Variants in FBN1 observed in about 807,000 individuals in gnomAD.
FBN1 encodes the protein fibrillin 1, also known as fibrillin-1.
A neutral mutation model predicts 365.1 loss-of-function variants in FBN1; 29 were observed. That is an observed-to-expected ratio of 0.08 (90% CI 0.06 to 0.11). The LOEUF is 0.11. Ranked by LOEUF, FBN1 falls within the 10% of genes least tolerant of loss-of-function variation. FBN1 has a pLI of 1.00. For synonymous variants in FBN1, 1,210 were observed against 1,270.5 expected (o/e 0.95, Z 1.01); for missense variants, 2,476 against 3,703.2 (o/e 0.67, Z 8.60).
chr15:48,637,479 C>T (rs1890114974), intron 2 of FBN1, among the ~76,000 whole-genome samples: 2 of 152,176 alleles, frequency 1.3e-5, no homozygotes, highest in African/African-American at 4.8e-5. Context: ...TCATAGACTG[C>T]ACTACAAACC....
chr15:48,629,056 G>A (rs1889937881), intron 2 of FBN1, among the ~76,000 whole-genome samples: 1 of 152,240 alleles, frequency 6.6e-6, no homozygotes, highest in South Asian at 2.1e-4. Flanking sequence ...TGAAAGCCAT[G>A]TGTGGTCCAA....
chr15:48,443,314 T>A (rs2043130503), intron 49 of FBN1, among the ~76,000 whole-genome samples: 1 of 152,210 alleles, frequency 6.6e-6, no homozygotes, highest in Non-Finnish European at 1.5e-5. Flanking sequence ...TTGTTTTTAA[T>A]TATTACTATG....
rs544270935 is a variant in FBN1, at chr15:48,569,773, T to C, written c.538+26510A>G. Reference sequence around the variant, plus strand: ...TCTATAGAGACAGAAAGTGTATTAGTGGTTGCCCAGGGCTCTGGGAGAGAG... The same window carrying C: ...TCTATAGAGACAGAAAGTGTATTAGCGGTTGCCCAGGGCTCTGGGAGAGAG... On this transcript the variant is annotated intron_variant, in intron 6 of 65. Transcript: ENST00000316623. Among the ~76,000 whole-genome samples the C allele has an allele frequency of 2.7e-4, 41 of 152,302 alleles. 1 individual carries two copies. The South Asian group carries it at 5.0e-3, about 18-fold the overall frequency.
At chr15:48,452,355 TC>T (rs1177119927) in intron 45 of FBN1, among the ~76,000 whole-genome samples, 1 of 152,254 alleles carries the variant, frequency 6.6e-6, no homozygotes, top group Non-Finnish European at 1.5e-5. Flanking sequence ...TGAAAATATC[TC>T]ATCCAGAAAG....
chr15:48,590,239 GA>G (rs1258410672), intron 6 of FBN1, among the ~76,000 whole-genome samples: 1 of 152,086 alleles, frequency 6.6e-6, no homozygotes, highest in Non-Finnish European at 1.5e-5. Context: ...AACACCAGGA[GA>G]AAAAAAGCAC....
At chr15:48,452,310 G>A (rs551390480) in intron 45 of FBN1, among the ~76,000 whole-genome samples, 3 of 152,272 alleles carry the variant, frequency 2.0e-5, no homozygotes, top group South Asian at 2.1e-4. Context: ...AGGCAAATAC[G>A]AAATCTATGT....
intron 17 of FBN1, among the ~76,000 whole-genome samples, chr15:48,500,089 A>G (rs1338651034): frequency 2.6e-5 from 4 of 152,192 alleles, no homozygotes; most frequent in Non-Finnish European, 5.9e-5. Context: ...TTTTCAAACC[A>G]TCTTAGAAGG....
At position 48,577,633 on chromosome 15, in the gene FBN1, G is replaced by A. The variant is rs73394256; in HGVS notation, c.538+18650C>T. ...CAGACTGGCCTCTTAAATAAACAAA[G>A]CCTGTTATTTCTTGAATTAAGTGGT... is the stretch of plus-strand genomic sequence containing the variant. On this transcript the variant is annotated intron_variant, in intron 6 of 65. Coordinates refer to ENST00000316623, the MANE Select transcript of FBN1 (RefSeq NM_000138.5). Among the ~76,000 whole-genome samples, 931 of 152,078 alleles carry A rather than the reference G, an allele frequency of 6.1e-3. 9 individuals carry two copies. The highest frequency in any genetic ancestry group is 0.022 in the African/African-American group (905 of 41,458).
intron 11 of FBN1, 75 bp from the exon 12 acceptor site, chr15:48,515,602 G>T: frequency 6.4e-7 from 1 of 1,569,298 alleles, no homozygotes; most frequent in Non-Finnish European, 8.8e-7. Context: ...TGACAATAAT[G>T]AACAAGATGT....
At chr15:48,436,620 C>A (rs1345740103) in intron 53 of FBN1, among the ~76,000 whole-genome samples, 1 of 152,134 alleles carries the variant, frequency 6.6e-6, no homozygotes, top group Non-Finnish European at 1.5e-5. Flanking sequence ...AAGATTATGA[C>A]CATTAACAAT....
intron 6 of FBN1, among the ~76,000 whole-genome samples, chr15:48,583,285 C>T (rs1044995458): frequency 2.0e-5 from 3 of 152,308 alleles, no homozygotes; most frequent in East Asian, 3.9e-4. Flanking sequence ...ATAGACTTAA[C>T]AAAACTGAAC....
intron 47 of FBN1, 151 bp downstream of exon 47, chr15:48,446,555 C>A: frequency 2.9e-6 from 2 of 684,520 alleles, no homozygotes; most frequent in South Asian, 1.6e-5. Context: ...TCATGTTGAG[C>A]ACATTGTATT....
At position 48,644,741 on chromosome 15, in the gene FBN1, G is replaced by A. The variant is rs1890262969; in HGVS notation, c.29C>T (p.Ala10Val). The change falls in exon 2 of 66, where the codon GCC becomes GTC. Residue 10 changes from alanine (A) to valine (V), a missense_variant. By Grantham distance (64) the Ala-to-Val change is moderately conservative. Around this residue, in one of 5 missense-constraint regions of FBN1, gnomAD observed 76 missense variants for 85.4 expected, o/e 0.89. Coordinates refer to ENST00000316623, the MANE Select transcript of FBN1 (RefSeq NM_000138.5). ...CGCTAAAAGCACGGTAAATCCCAGG[G>A]CGATCTCCAGCAGACGCCCTCGACG... The part of the protein sequence containing the change: MRRGRLLEI[A>V]LGFTVLLASY... 2.5e-6 allele frequency: 4 copies of A among 1,613,158 alleles called. No individual in the cohort carries two copies. The South Asian group carries it at 4.4e-5, about 18-fold the overall frequency.
chr15:48,626,206 G>A (rs1029425656), intron 2 of FBN1, among the ~76,000 whole-genome samples: 1 of 148,768 alleles, frequency 6.7e-6, no homozygotes, highest in Non-Finnish European at 1.5e-5. Context: ...AGAGTGAGCC[G>A]CAATCACGCC....
chr15:48,543,676 C>G (rs1466419493), intron 6 of FBN1, among the ~76,000 whole-genome samples: 1 of 152,146 alleles, frequency 6.6e-6, no homozygotes, highest in East Asian at 1.9e-4. Context: ...AAATTACTTT[C>G]TCTTCACCAA....
chr15:48,415,453 G>C (rs2042894893), intron 64 of FBN1, 83 bp downstream of exon 64: 2 of 1,054,112 alleles, frequency 1.9e-6, no homozygotes, highest in South Asian at 2.6e-5. Context: ...CCTCTGCTAG[G>C]ACAGGTAATT....
chr15:48,644,537 A>G (rs1054321335), intron 2 of FBN1, 69 bp downstream of exon 2: 4 of 1,607,898 alleles, frequency 2.5e-6, no homozygotes, highest in Non-Finnish European at 3.4e-6. Context: ...AGGGAGAGTC[A>G]TCCTGCCCGT....
chr15:48,445,644 T>A (rs1214282886), intron 47 of FBN1, 140 bp from the exon 48 acceptor site: 1 of 840,406 alleles, frequency 1.2e-6, no homozygotes, highest in East Asian at 2.7e-5. Flanking sequence ...GAAATGCCAA[T>A]GAAGATCTAG....
chr15:48,640,438 C>T (rs1890178289), intron 2 of FBN1, among the ~76,000 whole-genome samples: 1 of 152,160 alleles, frequency 6.6e-6, no homozygotes, highest in African/African-American at 2.4e-5. Context: ...CAGGTGAAGT[C>T]TTAAAGTCCC....
Sources: gnomAD v4.1 joint callset for allele counts (sites outside exome capture counted in the v4.1 genomes callset) on GRCh38, gnomAD v4.1.1 for gene constraint, gnomAD v4.1.1 regional missense constraint, MANE v1.5 for transcripts, NCBI Gene and HGNC (gene_info 2026-07-23, HGNC 2026-07-21) for gene names.